OXCT2: variants seen among roughly 807,000 people sequenced by gnomAD.
The protein encoded by OXCT2 is 3-oxoacid CoA-transferase 2, also known as succinyl-CoA:3-ketoacid coenzyme A transferase 2, mitochondrial.
For synonymous variants in OXCT2, 110 were observed against 298.4 expected (o/e 0.37, Z 6.51); for missense variants, 317 against 695.7 (o/e 0.46, Z 6.12).
At position 39,771,151 on chromosome 1, in the gene OXCT2, A is replaced by C; in HGVS notation, c.105T>G (p.Ser35Arg). ...CGTAGAACTTGGCACGGAGCCGGGG[A>C]CTGGTGGCAAAGCAGCGGGCGCAGC... ...SQGCARCFATSPRLRAKFYAD... is the reference protein window; with the variant it reads ...SQGCARCFATRPRLRAKFYAD... The change falls in exon 1 of 1, where the codon AGT becomes AGG. Residue 35 changes from serine (S) to arginine (R), a missense_variant. Ser to Arg is a moderately radical substitution (Grantham distance 110). Coordinates refer to ENST00000327582, the MANE Select transcript of OXCT2 (RefSeq NM_022120.2). 6.4e-6 allele frequency: 10 copies of C among 1,555,454 alleles called. 2 individuals are homozygous for C. The highest frequency in any genetic ancestry group is 7.0e-6 in the Non-Finnish European group (8 of 1,139,406).
At position 39,770,431 on chromosome 1, in the gene OXCT2, G is replaced by GT; in HGVS notation, c.824dup (p.Tyr275Ter). 1.2e-6 allele frequency: 2 copies of GT among 1,608,870 alleles called. No homozygotes were observed. Among genetic ancestry groups the GT allele is most frequent in the Non-Finnish European group, 1.7e-6 (2 of 1,179,000 alleles). ...TCGTTAAGCGCTCAATTCGTTTCTC[G>GT]TATTTCTGCCCCTTTATCACGCGAT... Reference protein sequence around the residue: ...YVDRVIKGQKYEKRIERLTIL... With the variant: ...YVDRVIKGQK The change falls in exon 1 of 1, where the codon TAC becomes TAAC. Residue 275 changes from tyrosine (Y) to a stop codon, truncating the protein, a stop_gained and frameshift_variant. Coordinates refer to ENST00000327582, the MANE Select transcript of OXCT2 (RefSeq NM_022120.2). LOFTEE classifies it low-confidence loss of function (END_TRUNC).
Position 39,769,662 on chromosome 1 carries a change from G to C in OXCT2, c.*40C>G, listed in dbSNP as rs764690744. 5 of 1,523,790 alleles carry C rather than the reference G, an allele frequency of 3.3e-6. No homozygotes were observed. The highest frequency in any genetic ancestry group is 4.4e-6 in the Non-Finnish European group (5 of 1,136,544). 94.4% of individuals were successfully genotyped at this position (1,523,790 alleles called of 1,614,324 possible). ...TCCCCTGGGGAACCCGGTGGCACCC[G>C]CCCTGAGGAGCGCACCACCCCGCCC... is the stretch of plus-strand genomic sequence containing the variant. On this transcript the variant is annotated 3_prime_UTR_variant, in exon 1 of 1. Coordinates refer to ENST00000327582, the MANE Select transcript of OXCT2 (RefSeq NM_022120.2).
Position 39,771,335 on chromosome 1 carries a change from G to A in OXCT2, c.-80C>T, listed in dbSNP as rs1649966716. 8.3e-7 allele frequency: 1 copy of A among 1,205,562 alleles called. No individual in the cohort carries two copies. 74.7% of individuals were successfully genotyped at this position (1,205,562 alleles called of 1,614,324 possible). Reference sequence around the variant, plus strand: ...GGCCGCGCGTCACAGAGCAGGGCGGGCGCCCGCGCCCTGACGCACTCCCTC... The same window carrying A: ...GGCCGCGCGTCACAGAGCAGGGCGGACGCCCGCGCCCTGACGCACTCCCTC... On this transcript the variant is annotated 5_prime_UTR_variant, in exon 1 of 1. Coordinates refer to ENST00000327582, the MANE Select transcript of OXCT2 (RefSeq NM_022120.2).
In OXCT2 at chr1:39,770,732, G is replaced by A. The variant is rs1649909823; in HGVS notation, c.524C>T (p.Thr175Ile). 4.5e-6 allele frequency: 5 copies of A among 1,102,734 alleles called. No individual in the cohort carries two copies. Among genetic ancestry groups the A allele is most frequent in the Admixed American group, 2.8e-5 (1 of 35,634 alleles). 68.3% of individuals were successfully genotyped at this position (1,102,734 alleles called of 1,614,324 possible). ...CATGAGCGCCAGGTGGCCGTCCGGG[G>A]TGTAGCGGATGGGGGCGCCCCCTTC... ...VQEGGAPIRYTPDGHLALMSQ... is the reference protein window; with the variant it reads ...VQEGGAPIRYIPDGHLALMSQ... The change falls in exon 1 of 1, where the codon ACC (threonine) becomes ATC (isoleucine). Residue 175 changes from threonine (T) to isoleucine (I), a missense_variant. Transcript: ENST00000327582.
rs1207543015 is a variant in OXCT2, at chr1:39,769,593, T to C, written c.*109A>G. 3.6e-5 allele frequency: 51 copies of C among 1,415,486 alleles called. 1 individual carries two copies. The East Asian group carries it at 1.3e-3, about 36-fold the overall frequency. 87.7% of individuals were successfully genotyped at this position (1,415,486 alleles called of 1,614,324 possible). ...AGCACTGTCCACCTAGGGAGGAAAGTAGGAGGCCAGTAGCAAACCCCTCCC... is the reference window on the plus strand; with the variant it reads ...AGCACTGTCCACCTAGGGAGGAAAGCAGGAGGCCAGTAGCAAACCCCTCCC... On this transcript the variant is annotated 3_prime_UTR_variant, in exon 1 of 1. Coordinates refer to ENST00000327582, the MANE Select transcript of OXCT2 (RefSeq NM_022120.2).
At position 39,769,652 on chromosome 1, in the gene OXCT2, G is replaced by T. The variant is rs776496703; in HGVS notation, c.*50C>A. On this transcript the variant is annotated 3_prime_UTR_variant, in exon 1 of 1. Transcript: ENST00000327582. ...GGACATGTATTCCCCTGGGGAACCC[G>T]GTGGCACCCGCCCTGAGGAGCGCAC... 6.8e-6 allele frequency: 10 copies of T among 1,478,030 alleles called. No homozygotes were observed. The African/African-American group carries it at 1.3e-4, about 19-fold the overall frequency. The allele number at this position is 1,478,030 out of a possible 1,614,324, so 91.6% of individuals were successfully genotyped here.
In OXCT2 at chr1:39,771,180, G is replaced by A. The variant is rs1649951492; in HGVS notation, c.76C>T (p.Gln26Ter). The A allele has an allele frequency of 2.6e-6, 4 of 1,545,914 alleles. No individual in the cohort carries two copies. Among genetic ancestry groups the A allele is most frequent in the Non-Finnish European group, 1.7e-6 (2 of 1,143,028 alleles). Reference sequence around the variant, plus strand: ...GTGGCAAAGCAGCGGGCGCAGCCCTGGGACAGCGCGAGCCCTGAGCCGCCG... The same window carrying A: ...GTGGCAAAGCAGCGGGCGCAGCCCTAGGACAGCGCGAGCCCTGAGCCGCCG... ...PAGGSGLALS[Q>*]GCARCFATSP... The change falls in exon 1 of 1, where the codon CAG (glutamine) becomes TAG (stop). Residue 26 changes from glutamine (Q) to a stop codon, truncating the protein, a stop_gained. Coordinates refer to ENST00000327582, the MANE Select transcript of OXCT2 (RefSeq NM_022120.2). LOFTEE classifies it low-confidence loss of function (END_TRUNC).
Position 39,770,489 on chromosome 1 carries a change from G to T in OXCT2, c.767C>A (p.Pro256Gln), listed in dbSNP as rs755361091. The part of the protein sequence containing the change: ...EEIVEVGAFP[P>Q]EDIHVPNIYV... ...AATGTTAGGAACGTGGATGTCTTCT[G>T]GGGGGAAAGCCCCCACCTCCACGAT... Residue 256 changes from proline to glutamine, a missense_variant, in exon 1 of 1, where the codon CCA becomes CAA. Physicochemically the swap from Pro to Gln is moderately conservative, Grantham distance 76. Coordinates refer to ENST00000327582, the MANE Select transcript of OXCT2 (RefSeq NM_022120.2). The T allele has an allele frequency of 4.3e-6, 7 of 1,610,140 alleles. No homozygotes were observed. Among genetic ancestry groups the T allele is most frequent in the Middle Eastern group, 3.3e-4 (2 of 6,050 alleles).
In OXCT2 at chr1:39,770,781, T is replaced by G; in HGVS notation, c.475A>C (p.Thr159Pro). ...GAGVPAFYTP[T>P]GYGTLVQEGG... ...TCCTGGACCAGGGTCCCGTAGCCCG[T>G]GGGGGTGTAGAAGGCGGGCACCCCG... Residue 159 changes from threonine to proline, a missense_variant, in exon 1 of 1, where the codon ACG becomes CCG. By Grantham distance (38) the Thr-to-Pro change is conservative (BLOSUM62 -1). Transcript: ENST00000327582. The G allele has an allele frequency of 3.5e-6, 3 of 858,622 alleles. No individual in the cohort carries two copies. The highest frequency in any genetic ancestry group is 5.0e-6 in the Non-Finnish European group (3 of 595,916). 53.2% of individuals were successfully genotyped at this position (858,622 alleles called of 1,614,324 possible).
At position 39,769,652 on chromosome 1, in the gene OXCT2, G is replaced by A. The variant is rs776496703; in HGVS notation, c.*50C>T. On this transcript the variant is annotated 3_prime_UTR_variant, in exon 1 of 1. Transcript: ENST00000327582. ...GGACATGTATTCCCCTGGGGAACCC[G>A]GTGGCACCCGCCCTGAGGAGCGCAC... 5.2e-5 allele frequency: 77 copies of A among 1,478,034 alleles called. 1 individual carries two copies. Among genetic ancestry groups the A allele is most frequent in the Non-Finnish European group, 6.5e-5 (72 of 1,115,706 alleles). 91.6% of individuals were successfully genotyped at this position (1,478,034 alleles called of 1,614,324 possible). A position where few individuals can be genotyped will look rare whatever the true frequency, so the allele number is the denominator to read the frequency against.
In OXCT2 at chr1:39,770,739, G is replaced by A; in HGVS notation, c.517C>T (p.Arg173Cys). 3.9e-6 allele frequency: 4 copies of A among 1,033,676 alleles called. No individual in the cohort carries two copies. The highest frequency in any genetic ancestry group is 5.3e-6 in the Non-Finnish European group (4 of 750,534). 64.0% of individuals were successfully genotyped at this position (1,033,676 alleles called of 1,614,324 possible). Residue 173 changes from arginine (R) to cysteine (C), a missense_variant, in exon 1 of 1, where the codon CGC (arginine) becomes TGC (cysteine). By Grantham distance (180) the Arg-to-Cys change is radical (BLOSUM62 -3). Coordinates refer to ENST00000327582, the MANE Select transcript of OXCT2 (RefSeq NM_022120.2). ...GCCAGGTGGCCGTCCGGGGTGTAGC[G>A]GATGGGGGCGCCCCCTTCCTGGACC... The part of the protein sequence containing the change: ...TLVQEGGAPI[R>C]YTPDGHLALM...
In OXCT2 at chr1:39,771,271, G is replaced by A; in HGVS notation, c.-16C>T. ...GCGCCGCCATAGTCGGCCCGGGTCG[G>A]AGGCCAGGACAGGTGGTGTGAGCCC... On this transcript the variant is annotated 5_prime_UTR_variant, in exon 1 of 1. Transcript: ENST00000327582. 1 of 1,509,840 alleles carries A rather than the reference G, an allele frequency of 6.6e-7. No homozygotes were observed. Among genetic ancestry groups the A allele is most frequent in the Non-Finnish European group, 8.8e-7 (1 of 1,130,666 alleles). The allele number at this position is 1,509,840 out of a possible 1,614,324, so 93.5% of individuals were successfully genotyped here.
chr1:39,769,870 G>C lies in OXCT2; in HGVS notation c.1386C>G (p.Cys462Trp). Residue 462 changes from cysteine to tryptophan, a missense_variant, in exon 1 of 1, where the codon TGC becomes TGG. Transcript: ENST00000327582. ...CCTTCTCGGTGATGATGCGGTCCAC[G>C]CACCGCTTCCCGGTCAGCGGCATGG... ...KCTMPLTGKR[C>W]VDRIITEKAV... 1 of 1,611,026 alleles carries C rather than the reference G, an allele frequency of 6.2e-7. No individual in the cohort carries two copies. Among genetic ancestry groups the C allele is most frequent in the Non-Finnish European group, 8.5e-7 (1 of 1,179,206 alleles).
chr1:39,770,449 C>A lies in OXCT2; in HGVS notation c.807G>T (p.Val269=), dbSNP rs773514512. Residue 269 remains valine (V), a synonymous_variant, in exon 1 of 1, where the codon GTG becomes GTT. Transcript: ENST00000327582. ...IHVPNIYVDR[V]IKGQKYEKRI... ...GTTTCTCGTATTTCTGCCCCTTTAT[C>A]ACGCGATCTACATAAATGTTAGGAA... 6.2e-7 allele frequency: 1 copy of A among 1,609,508 alleles called. No homozygotes were observed. Among genetic ancestry groups the A allele is most frequent in the Non-Finnish European group, 8.5e-7 (1 of 1,179,104 alleles).
rs990656778 is a variant in OXCT2, at chr1:39,769,909, G to C, written c.1347C>G (p.Ile449Met). ...TCAGCGGCATGGTGCATTTCTCCAT[G>C]ATCTTGGGGGTGTTGTCCTTTGTGC... ...QHCTKDNTPK[I>M]MEKCTMPLTG... Residue 449 changes from isoleucine (I) to methionine (M), a missense_variant, in exon 1 of 1, where the codon ATC becomes ATG. Transcript: ENST00000327582. The C allele has an allele frequency of 8.7e-6, 14 of 1,605,318 alleles. No individual in the cohort carries two copies. Among genetic ancestry groups the C allele is most frequent in the Non-Finnish European group, 1.1e-5 (13 of 1,176,920 alleles).
rs756942160 is a variant in OXCT2, at chr1:39,770,488, T to TG, written c.767dup (p.Glu257ArgfsTer7). 1.2e-6 allele frequency: 2 copies of TG among 1,610,360 alleles called. No homozygotes were observed. The highest frequency in any genetic ancestry group is 1.7e-6 in the Non-Finnish European group (2 of 1,179,210). Reference sequence around the variant, plus strand: ...AAATGTTAGGAACGTGGATGTCTTCTGGGGGGAAAGCCCCCACCTCCACGA... The same window carrying TG: ...AAATGTTAGGAACGTGGATGTCTTCTGGGGGGGAAAGCCCCCACCTCCACGA... On this transcript the variant is annotated frameshift_variant, in exon 1 of 1. Coordinates refer to ENST00000327582, the MANE Select transcript of OXCT2 (RefSeq NM_022120.2). LOFTEE classifies it low-confidence loss of function (END_TRUNC).
In OXCT2 at chr1:39,770,382, C is replaced by T. The variant is rs759552796; in HGVS notation, c.874G>A (p.Ala292Thr). The change falls in exon 1 of 1, where the codon GCT becomes ACT. Residue 292 changes from alanine (A) to threonine (T), a missense_variant. By Grantham distance (58) the Ala-to-Thr change is moderately conservative (BLOSUM62 0). Coordinates refer to ENST00000327582, the MANE Select transcript of OXCT2 (RefSeq NM_022120.2). ...GTCCTGGCGTCCTCTTCCTTTCCAG[C>T]GTCTCCATCTTCCTCTTTCAGGATC... ...LTILKEEDGD[A>T]GKEEDARTRI... is the part of the protein sequence containing the mutation. 2.5e-6 allele frequency: 4 copies of T among 1,598,882 alleles called. No homozygotes were observed. The highest frequency in any genetic ancestry group is 3.4e-5 in the Admixed American group (2 of 59,306).
chr1:39,770,635 G>A lies in OXCT2; in HGVS notation c.621C>T (p.Phe207=). The change falls in exon 1 of 1, where the codon TTC becomes TTT. Residue 207 remains phenylalanine, a synonymous_variant. Coordinates refer to ENST00000327582, the MANE Select transcript of OXCT2 (RefSeq NM_022120.2). Reference sequence around the variant, plus strand: ...CGGCCTTCCACCCTTTCACCAGGGCGAAGTCTGCCCGGATGGCGCGCTCCA... The same window carrying A: ...CGGCCTTCCACCCTTTCACCAGGGCAAAGTCTGCCCGGATGGCGCGCTCCA... The part of the protein sequence containing the change: ...FLLERAIRAD[F]ALVKGWKADR... 6.4e-7 allele frequency: 1 copy of A among 1,554,810 alleles called. No individual in the cohort carries two copies. Among genetic ancestry groups the A allele is most frequent in the South Asian group, 1.1e-5 (1 of 88,202 alleles).
chr1:39,770,264 C>A lies in OXCT2; in HGVS notation c.992G>T (p.Ser331Ile). ...GTGAAGATGGACAGTCATGCTGGGA[C>A]TGATGAAGTTGCTGGCCAGCAGGGG... ...GIPLLASNFI[S>I]PSMTVHLHSE... The change falls in exon 1 of 1, where the codon AGT (serine) becomes ATT (isoleucine). Residue 331 changes from serine (S) to isoleucine (I), a missense_variant. Ser to Ile is a moderately radical substitution (Grantham distance 142). Transcript: ENST00000327582. 6.5e-7 allele frequency: 1 copy of A among 1,547,312 alleles called. No individual in the cohort carries two copies. The highest frequency in any genetic ancestry group is 2.3e-5 in the East Asian group (1 of 43,176).
Sources: allele counts gnomAD v4.1 joint callset, GRCh38; gene constraint gnomAD v4.1.1; transcripts MANE v1.5; gene names NCBI Gene and HGNC (gene_info 2026-07-23, HGNC 2026-07-21).